KHDRBS3: variants seen among roughly 807,000 people sequenced by gnomAD.
KHDRBS3 encodes the protein KH domain-containing, RNA-binding, signal transduction-associated protein 3.
In KHDRBS3, 23 loss-of-function variants were observed where a neutral mutation model predicts 45.6. That is an observed-to-expected ratio of 0.50 (90% CI 0.36 to 0.72). KHDRBS3 has a LOEUF of 0.72. Among genes scored for constraint, KHDRBS3 ranks in the 30% least tolerant of loss-of-function variants. KHDRBS3 has a pLI of 0.00. For synonymous variants in KHDRBS3, 162 were observed against 156.5 expected, an observed-to-expected ratio of 1.04 and a Z score of -0.26; for missense variants, 352 against 424.8, an observed-to-expected ratio of 0.83 and a Z score of 1.51.
chr8:135,518,826 A>T (rs191729508), intron 1 of KHDRBS3, among the ~76,000 whole-genome samples: 2 of 152,228 alleles, frequency 1.3e-5, no homozygotes, highest in African/African-American at 4.8e-5. Context: ...CTGAAAGAGT[A>T]TATAAAAACA....
At chr8:135,487,803 C>G (rs1563715409) in intron 1 of KHDRBS3, among the ~76,000 whole-genome samples, 1 of 152,138 alleles carries the variant, frequency 6.6e-6, no homozygotes, top group Non-Finnish European at 1.5e-5. Flanking sequence ...CGAGAACGTT[C>G]AATGTGACTA....
intron 5 of KHDRBS3, among the ~76,000 whole-genome samples, chr8:135,575,919 G>C (rs1217584541): frequency 6.6e-6 from 1 of 152,106 alleles, no homozygotes; most frequent in Non-Finnish European, 1.5e-5. Context: ...AGAATCCCTG[G>C]AATACAACAT....
intron 7 of KHDRBS3, among the ~76,000 whole-genome samples, chr8:135,634,140 G>A (rs146265685): frequency 1.3e-5 from 2 of 152,244 alleles, no homozygotes; most frequent in East Asian, 3.9e-4. Flanking sequence ...TGGGATTTTT[G>A]TTAACTCTTA....
intron 2 of KHDRBS3, among the ~76,000 whole-genome samples, chr8:135,524,019 T>C (rs555932687): frequency 3.3e-5 from 5 of 151,108 alleles, no homozygotes; most frequent in Admixed American, 6.5e-5. Context: ...TACTGACTTA[T>C]ACTATTTTTT....
intron 5 of KHDRBS3, among the ~76,000 whole-genome samples, chr8:135,574,625 A>T (rs1327857201): frequency 1.3e-5 from 2 of 152,200 alleles, no homozygotes; most frequent in South Asian, 4.1e-4. Flanking sequence ...TGGATATTGG[A>T]TAAGGAAAAC....
chr8:135,557,378 G>C (rs970804057), intron 4 of KHDRBS3, 70 bp from the exon 5 acceptor site: 1 of 892,964 alleles, frequency 1.1e-6, no homozygotes, highest in African/African-American at 1.7e-5. Context: ...AGAATTACTT[G>C]CTTTTTGTTC....
chr8:135,606,778 T>G (rs1055092325), intron 6 of KHDRBS3, among the ~76,000 whole-genome samples, 177 bp from the exon 7 acceptor site: 1 of 152,254 alleles, frequency 6.6e-6, no homozygotes, highest in African/African-American at 2.4e-5. Context: ...TCTTTGCTTT[T>G]GTAGAGAGAA....
intron 6 of KHDRBS3, among the ~76,000 whole-genome samples, chr8:135,585,760 T>G (rs2130940279): frequency 6.6e-6 from 1 of 152,298 alleles, no homozygotes; most frequent in South Asian, 2.1e-4. Context: ...AAGGAAAAAT[T>G]CTTTATCTCT....
At chr8:135,650,092 AATTC>A (rs1831397965), downstream of KHDRBS3, among the ~76,000 whole-genome samples, 1 of 151,830 alleles carries the variant, frequency 6.6e-6, no homozygotes, top group Non-Finnish European at 1.5e-5. Context: ...ACCCCCTTGG[AATTC>A]ATTTATTTTC....
At chr8:135,601,223 C>A (rs981756164) in intron 6 of KHDRBS3, among the ~76,000 whole-genome samples, 4 of 152,142 alleles carry the variant, frequency 2.6e-5, no homozygotes, top group Admixed American at 2.0e-4. Context: ...TCATTATGTT[C>A]CAGGCACTGT....
chr8:135,592,537 TAC>T (rs1205055348), intron 6 of KHDRBS3, among the ~76,000 whole-genome samples: 1 of 152,202 alleles, frequency 6.6e-6, no homozygotes, highest in Non-Finnish European at 1.5e-5. Context: ...ATGTTTGTTT[TAC>T]AGTTTTCAAC....
chr8:135,525,511 G>A (rs1312800195), intron 2 of KHDRBS3, among the ~76,000 whole-genome samples: 2 of 152,048 alleles, frequency 1.3e-5, no homozygotes, highest in South Asian at 2.1e-4. Context: ...GCCTGTTTTC[G>A]ATCAGTCTTC....
intron 2 of KHDRBS3, among the ~76,000 whole-genome samples, chr8:135,530,570 G>A (rs1825422631): frequency 6.6e-6 from 1 of 152,188 alleles, no homozygotes; most frequent in African/African-American, 2.4e-5. Flanking sequence ...TGCATCACCT[G>A]TGTCTGTTCT....
chr8:135,617,235 ATTTTATTTTATTTTAT>A (rs1478258450), intron 7 of KHDRBS3, among the ~76,000 whole-genome samples: 6 of 542 alleles, frequency 0.011, no homozygotes, highest in African/African-American at 0.027. Context: ...AGCTACTTTT[ATTTTATTTTATTTTAT>A]TTTATTTTAT....
At chr8:135,555,373 A>AT (rs113293183) in intron 4 of KHDRBS3, among the ~76,000 whole-genome samples, 5,740 of 140,962 alleles carry the variant, frequency 0.041, 297 homozygotes, top group African/African-American at 0.13. Flanking sequence ...AAACATTGAG[A>AT]TTTTTTTTTT....
intron 2 of KHDRBS3, among the ~76,000 whole-genome samples, chr8:135,527,948 T>C (rs1459706772): frequency 6.6e-6 from 1 of 152,212 alleles, no homozygotes; most frequent in Admixed American, 6.5e-5. Flanking sequence ...TATAAAAACA[T>C]TTTCCATTTT....
chr8:135,642,795 CTT>C (rs35011503), intron 7 of KHDRBS3, among the ~76,000 whole-genome samples: 3 of 143,792 alleles, frequency 2.1e-5, no homozygotes, highest in Admixed American at 7.0e-5. Flanking sequence ...AGGCATTTGT[CTT>C]TTTTTTTTTT....
chr8:135,465,538 A>G (rs1292774749), intron 1 of KHDRBS3, among the ~76,000 whole-genome samples: 1 of 152,218 alleles, frequency 6.6e-6, no homozygotes, highest in Non-Finnish European at 1.5e-5. Context: ...CATTAATATC[A>G]TGCACAAAAT....
chr8:135,576,263 T>TA (rs944035567), intron 5 of KHDRBS3, among the ~76,000 whole-genome samples: 1 of 152,228 alleles, frequency 6.6e-6, no homozygotes, highest in African/African-American at 2.4e-5. Context: ...TTTCTTTTCT[T>TA]ACTATATCCT....
Sources: allele counts gnomAD v4.1 joint callset (sites outside exome capture counted in the v4.1 genomes callset), GRCh38; gene constraint gnomAD v4.1.1; transcripts MANE v1.5; gene names NCBI Gene and HGNC (gene_info 2026-07-23, HGNC 2026-07-21).